The following VWCE variants were observed in gnomAD, a reference collection of about 807,000 sequenced individuals.
VWCE encodes von Willebrand factor C and EGF domain-containing protein.
A neutral mutation model predicts 102.9 loss-of-function variants in VWCE; 68 were observed. The ratio of observed to expected loss-of-function variants is 0.66; its 90% confidence interval spans 0.54 to 0.81. VWCE has a LOEUF of 0.81. VWCE is among the 30% of genes least tolerant of loss of function. VWCE has a pLI of 0.00. For synonymous variants in VWCE, 497 were observed against 515.4 expected (o/e 0.96, Z 0.48); for missense variants, 1,137 against 1,263.6 (o/e 0.90, Z 1.52).
chr11:61,291,713 C>T (rs946411905), intron 1 of VWCE, 137 bp from the exon 2 acceptor site: 3 of 728,532 alleles, frequency 4.1e-6, no homozygotes, highest in Admixed American at 7.9e-5. Flanking sequence ...GGGAAGTTTC[C>T]AAAGAAAAAT....
In VWCE at chr11:61,294,478, C is replaced by T; in HGVS notation, c.110+450G>A. Reference sequence around the variant, plus strand: ...CAGAAAACGAAAAGTGACCCAGAGACCCCGGCTGTTCCAAGGTCCATGAAG... The same window carrying T: ...CAGAAAACGAAAAGTGACCCAGAGATCCCGGCTGTTCCAAGGTCCATGAAG... On this transcript the variant is annotated intron_variant, in intron 1 of 19. Transcript: ENST00000335613. This position sits in a 1 kb window ranked among gnomAD's most constrained non-coding sequence, Gnocchi z 6.3. Among the ~76,000 whole-genome samples, 1 of 152,224 alleles carries T rather than the reference C, an allele frequency of 6.6e-6. No individual in the cohort carries two copies. Among genetic ancestry groups the T allele is most frequent in the East Asian group, 1.9e-4 (1 of 5,188 alleles).
chr11:61,275,125 G>C (rs1854863142), intron 11 of VWCE, among the ~76,000 whole-genome samples: 1 of 152,116 alleles, frequency 6.6e-6, no homozygotes, highest in Non-Finnish European at 1.5e-5. Flanking sequence ...AAAGGCAGGG[G>C]AAGCCCTAAA....
rs1365048934 is a variant in VWCE at position 61,281,221 on chromosome 11, CG to C, written c.801del (p.Val268CysfsTer97). 6 of 1,612,472 alleles carry C rather than the reference CG, an allele frequency of 3.7e-6. No individual in the cohort carries two copies. The South Asian group carries it at 6.6e-5, about 18-fold the overall frequency. On this transcript the variant is annotated frameshift_variant, in exon 8 of 20. Transcript: ENST00000335613. LOFTEE classifies it high-confidence loss of function. Reference protein sequence around the residue: ...DRVSCEAFPKAVLAPSAILQP... With the variant: ...DRVSCEAFPKXVLAPSAILQP... ...TGCAGGATGGCAGATGGGGCCAGCA[CG>C]GCTTTCGGGAAAGCTGAAACAGAAG... is the stretch of plus-strand genomic sequence containing the variant.
chr11:61,262,554 A>G (rs991218460), intron 19 of VWCE, among the ~76,000 whole-genome samples: 2 of 152,192 alleles, frequency 1.3e-5, no homozygotes, highest in African/African-American at 4.8e-5. Context: ...ACTAATATCC[A>G]CTAGCATGCA....
At chr11:61,259,519 C>T (rs1302041350) in intron 19 of VWCE, among the ~76,000 whole-genome samples, 1 of 152,160 alleles carries the variant, frequency 6.6e-6, no homozygotes, top group African/African-American at 2.4e-5. Flanking sequence ...TGTGTGACCT[C>T]ACGCAAGGCA....
At chr11:61,292,309 A>G (rs1488454440) in intron 1 of VWCE, among the ~76,000 whole-genome samples, 2 of 151,906 alleles carry the variant, frequency 1.3e-5, no homozygotes, top group East Asian at 1.9e-4. Flanking sequence ...ATCTCTGCCC[A>G]TGGCACCTTC....
chr11:61,274,832 T>C (rs1590631891), intron 11 of VWCE, among the ~76,000 whole-genome samples: 2 of 152,044 alleles, frequency 1.3e-5, no homozygotes, highest in Non-Finnish European at 2.9e-5. Flanking sequence ...GAGGCCAAGG[T>C]GGGAGGATCT....
chr11:61,286,824 G>A (rs930079899), intron 4 of VWCE, among the ~76,000 whole-genome samples: 22 of 142,046 alleles, frequency 1.5e-4, no homozygotes, highest in South Asian at 2.3e-4. Flanking sequence ...AAGGCCGGGC[G>A]CGGTGGCTCA....
intron 16 of VWCE, 136 bp from the exon 17 acceptor site, chr11:61,265,348 G>C: frequency 1.4e-6 from 1 of 726,922 alleles, no homozygotes; most frequent in Non-Finnish European, 2.1e-6. Flanking sequence ...GTGGGGCAGT[G>C]GGGCAGGGGG....
intron 11 of VWCE, among the ~76,000 whole-genome samples, chr11:61,276,301 C>G (rs73490303): frequency 0.17 from 25,525 of 151,724 alleles, 6,463 homozygotes; most frequent in African/African-American, 0.55. Context: ...CCAGCTACTC[C>G]CTACTCCGGA....
chr11:61,293,778 G>A (rs1195365436), intron 1 of VWCE, among the ~76,000 whole-genome samples: 1 of 152,210 alleles, frequency 6.6e-6, no homozygotes, highest in Non-Finnish European at 1.5e-5. Flanking sequence ...GTGCCAAAAT[G>A]TGACAAGTAT....
chr11:61,281,341 C>G, intron 7 of VWCE, 106 bp from the exon 8 acceptor site: 1 of 1,355,596 alleles, frequency 7.4e-7, no homozygotes, highest in Non-Finnish European at 1.0e-6. Context: ...TGTTCACCCC[C>G]CGTGGTCTGC....
At chr11:61,265,248 C>A in intron 16 of VWCE, 36 bp from the exon 17 acceptor site, 1 of 1,450,800 alleles carries the variant, frequency 6.9e-7, no homozygotes, top group South Asian at 1.5e-5. Context: ...GCCCTCGGTT[C>A]AGGGCAGCTG....
At chr11:61,280,596 T>C in intron 9 of VWCE, 28 bp downstream of exon 9, 2 of 1,609,252 alleles carry the variant, frequency 1.2e-6, no homozygotes, top group South Asian at 2.2e-5. Context: ...GAGGCAGGAC[T>C]ATGTCCTTCC....
chr11:61,294,899 G>A lies in VWCE; in HGVS notation c.110+29C>T, dbSNP rs992353679. 3.7e-6 allele frequency: 5 copies of A among 1,356,208 alleles called. No homozygotes were observed. The African/African-American group carries it at 7.6e-5, about 21-fold the overall frequency. The allele number at this position is 1,356,208 out of a possible 1,614,324, so 84.0% of individuals were successfully genotyped here. On this transcript the variant is annotated intron_variant, in intron 1 of 19. Coordinates refer to ENST00000335613, the MANE Select transcript of VWCE (RefSeq NM_152718.2). This position sits in a 1 kb window ranked among gnomAD's most constrained non-coding sequence, Gnocchi z 6.3. ...ACGCCGGTAGCGCTCTCCCGGGCGGGGGAGCGGGGAGGAGCTCCGGGCGCT... is the reference window on the plus strand; with the variant it reads ...ACGCCGGTAGCGCTCTCCCGGGCGGAGGAGCGGGGAGGAGCTCCGGGCGCT...
chr11:61,276,702 G>GCA, intron 10 of VWCE, 22 bp from the exon 11 acceptor site: 1 of 1,576,468 alleles, frequency 6.3e-7, no homozygotes, highest in South Asian at 1.2e-5. Context: ...GCAAGAGAGG[G>GCA]CACTGGGGGT....
At chr11:61,286,957 C>T (rs1208773769) in intron 4 of VWCE, among the ~76,000 whole-genome samples, 1 of 151,982 alleles carries the variant, frequency 6.6e-6, no homozygotes, top group African/African-American at 2.4e-5. Flanking sequence ...ATTAGCTGGG[C>T]GCGGTGGCGG....
At chr11:61,288,105 C>T (rs779410747) in intron 4 of VWCE, among the ~76,000 whole-genome samples, 8 of 139,070 alleles carry the variant, frequency 5.8e-5, no homozygotes, top group African/African-American at 1.5e-4. Flanking sequence ...TGCAGTGAGC[C>T]GAGATCGCAC....
chr11:61,290,885 C>T lies in VWCE; in HGVS notation c.338G>A (p.Cys113Tyr), dbSNP rs1264557551. The change falls in exon 4 of 20, where the codon TGC (cysteine) becomes TAC (tyrosine). Residue 113 changes from cysteine to tyrosine, a missense_variant. By Grantham distance (194) the Cys-to-Tyr change is radical. This residue lies in a region of VWCE where 575 missense variants were observed against 625.9 expected (regional missense o/e 0.92). Coordinates refer to ENST00000335613, the MANE Select transcript of VWCE (RefSeq NM_152718.2). The stretch of plus-strand genomic sequence containing the variant: ...CACCTCCTGACAGCCTCCATGGTTG[C>T]AGGTAAGGTCACAGCCGTACTCCCC... ...PCGEYGCDLT[C>Y]NHGGCQEVAR... is the part of the protein sequence containing the mutation. 4 of 1,613,884 alleles carry T rather than the reference C, an allele frequency of 2.5e-6. No individual in the cohort carries two copies. The highest frequency in any genetic ancestry group is 3.4e-6 in the Non-Finnish European group (4 of 1,180,014).
Sources: gnomAD v4.1 joint callset for allele counts (sites outside exome capture counted in the v4.1 genomes callset) on GRCh38, gnomAD v4.1.1 for gene constraint, gnomAD v4.1.1 regional missense constraint, Gnocchi (gnomAD v3.1) non-coding constraint, MANE v1.5 for transcripts, NCBI Gene and HGNC (gene_info 2026-07-23, HGNC 2026-07-21) for gene names.